Variants in NTNG1 observed in about 807,000 individuals in gnomAD.
NTNG1 encodes netrin G1, also known as netrin-G1.
Under a neutral mutation model 54.0 loss-of-function variants are expected in NTNG1, and 16 were observed. The ratio of observed to expected loss-of-function variants is 0.30; its 90% CI spans 0.20 to 0.45. NTNG1 has a LOEUF of 0.45. NTNG1 is among the 20% of genes least tolerant of loss of function. The pLI is 1.00. For synonymous variants in NTNG1, 255 were observed against 263.1 expected, an observed-to-expected ratio of 0.97 and a Z score of 0.30; for missense variants, 530 against 678.7, an observed-to-expected ratio of 0.78 and a Z score of 2.43.
intron 2 of NTNG1, among the ~76,000 whole-genome samples, chr1:107,190,481 G>A (rs1657822008): frequency 6.6e-6 from 1 of 152,002 alleles, no homozygotes; most frequent in Admixed American, 6.6e-5. Context: ...CAACGTGCAG[G>A]TTTGTTACAT....
intron 7 of NTNG1, among the ~76,000 whole-genome samples, chr1:107,479,137 G>T (rs781246151): frequency 1.3e-5 from 2 of 152,134 alleles, no homozygotes; most frequent in African/African-American, 4.8e-5. Context: ...AATACACTAC[G>T]CAACCGTGTT....
chr1:107,392,734 C>T (rs1335521886), intron 3 of NTNG1, among the ~76,000 whole-genome samples: 2 of 152,064 alleles, frequency 1.3e-5, no homozygotes, highest in Non-Finnish European at 2.9e-5. Context: ...TAGGAGGTAG[C>T]TAGAGAAGAT....
chr1:107,442,596 A>G (rs1459912780), intron 7 of NTNG1, among the ~76,000 whole-genome samples: 1 of 150,572 alleles, frequency 6.6e-6, no homozygotes, highest in East Asian at 2.0e-4. Context: ...TAAAGATATT[A>G]GCTTACATTA....
At chr1:107,193,319 C>T (rs181731751) in intron 2 of NTNG1, among the ~76,000 whole-genome samples, 2 of 152,108 alleles carry the variant, frequency 1.3e-5, no homozygotes, top group African/African-American at 2.4e-5. Flanking sequence ...TCTCCAACTT[C>T]GGTCATTTTG....
chr1:107,240,707 A>G (rs964298077), intron 2 of NTNG1, among the ~76,000 whole-genome samples: 1 of 152,162 alleles, frequency 6.6e-6, no homozygotes, highest in East Asian at 1.9e-4. Context: ...TTTGATTTTC[A>G]TTGTTCAGTT....
At chr1:107,334,645 A>T (rs1414425360) in intron 3 of NTNG1, among the ~76,000 whole-genome samples, 1 of 151,760 alleles carries the variant, frequency 6.6e-6, no homozygotes, top group Admixed American at 6.6e-5. Flanking sequence ...ATTTAATCTA[A>T]CTCCTTTTTC....
chr1:107,183,124 G>A (rs1657194125), intron 2 of NTNG1, among the ~76,000 whole-genome samples: 1 of 152,154 alleles, frequency 6.6e-6, no homozygotes, highest in African/African-American at 2.4e-5. Flanking sequence ...TTAATTCCGT[G>A]CTGGAAGAGG....
At chr1:107,412,994 T>A (rs1262900064) in intron 5 of NTNG1, among the ~76,000 whole-genome samples, 2 of 152,186 alleles carry the variant, frequency 1.3e-5, no homozygotes, top group East Asian at 3.9e-4. Flanking sequence ...AACTCTGTTT[T>A]CCCCATCTGT....
intron 2 of NTNG1, among the ~76,000 whole-genome samples, chr1:107,321,190 C>T (rs1445823622): frequency 1.3e-5 from 2 of 152,068 alleles, no homozygotes; most frequent in African/African-American, 4.8e-5. Flanking sequence ...TTGTTTAGTG[C>T]CTGTCCCCCA....
At chr1:107,225,784 C>A (rs1028032012) in intron 2 of NTNG1, among the ~76,000 whole-genome samples, 1 of 152,130 alleles carries the variant, frequency 6.6e-6, no homozygotes, top group Non-Finnish European at 1.5e-5. Context: ...TTTTTCAAGC[C>A]TGTTACTGTA....
intron 3 of NTNG1, among the ~76,000 whole-genome samples, chr1:107,379,275 A>G (rs1437241656): frequency 2.0e-5 from 3 of 152,206 alleles, no homozygotes; most frequent in Admixed American, 6.5e-5. Context: ...TATTTTAAAA[A>G]GCACATGTCG....
At chr1:107,333,941 G>C (rs1262212327) in intron 3 of NTNG1, 1 of 141,962 alleles carries the variant, frequency 7.0e-6, no homozygotes, top group African/African-American at 2.6e-5. Flanking sequence ...TTTTTGTTTT[G>C]TTTTTAGGCT....
chr1:107,442,587 A>G (rs1676034411), intron 7 of NTNG1, among the ~76,000 whole-genome samples: 2 of 151,834 alleles, frequency 1.3e-5, no homozygotes. Flanking sequence ...ACAAAAATGT[A>G]AAGATATTAG....
chr1:107,233,671 A>G (rs1267550596), intron 2 of NTNG1, among the ~76,000 whole-genome samples: 1 of 152,226 alleles, frequency 6.6e-6, no homozygotes, highest in Non-Finnish European at 1.5e-5. Flanking sequence ...TTCCCCAGAT[A>G]GCTTTCAAAT....
Position 107,237,119 on chromosome 1 carries a change from C to T in NTNG1, c.247-87163C>T, listed in dbSNP as rs535336756. ...ATGTCTTTGACCAAAATGCTGATAG[C>T]GATATGGACAATAAGGTCCCAGCAG... On this transcript the variant is annotated intron_variant, in intron 2 of 7. Transcript: ENST00000370068. Among the ~76,000 whole-genome samples the T allele has an allele frequency of 5.1e-4, 77 of 152,168 alleles. 1 individual carries two copies. In the South Asian group the frequency reaches 0.014, roughly 27 times the overall value.
intron 5 of NTNG1, chr1:107,408,855 A>C (rs1225911433): frequency 6.6e-6 from 1 of 152,144 alleles, no homozygotes; most frequent in Non-Finnish European, 1.5e-5. Context: ...GCATCCATCT[A>C]AAAAGCAATA....
At chr1:107,472,801 A>G (rs1383740756) in intron 7 of NTNG1, among the ~76,000 whole-genome samples, 1 of 152,124 alleles carries the variant, frequency 6.6e-6, no homozygotes, top group Non-Finnish European at 1.5e-5. Context: ...CAACCACAAC[A>G]ACAAAAAGTG....
chr1:107,445,588 A>G lies in NTNG1; in HGVS notation c.1390+8789A>G, dbSNP rs577758684. Among the ~76,000 whole-genome samples, 18 of 152,250 alleles carry G rather than the reference A, an allele frequency of 1.2e-4. No individual in the cohort carries two copies. The South Asian group carries it at 3.5e-3, about 30-fold the overall frequency. ...AACTCAAATACCTGTTAAGTAGCAC[A>G]CCAGTTATTAGTGAATATTTATTGT... is the stretch of plus-strand genomic sequence containing the variant. On this transcript the variant is annotated intron_variant, in intron 7 of 7. Transcript: ENST00000370068.
At chr1:107,156,040 G>T (rs1654969480) in intron 2 of NTNG1, among the ~76,000 whole-genome samples, 1 of 152,124 alleles carries the variant, frequency 6.6e-6, no homozygotes, top group Admixed American at 6.5e-5. Flanking sequence ...CTAGATGTGT[G>T]TAAGTACACT....
Sources: gnomAD v4.1 joint callset for allele counts (sites outside exome capture counted in the v4.1 genomes callset) on GRCh38, gnomAD v4.1.1 for gene constraint, MANE v1.5 for transcripts, NCBI Gene and HGNC (gene_info 2026-07-23, HGNC 2026-07-21) for gene names.